The following CELF4 variants were observed in gnomAD, a reference collection of about 807,000 sequenced individuals.
CELF4 encodes CUG-BP- and ETR-3-like factor 4.
A neutral mutation model predicts 59.9 loss-of-function variants in CELF4; 18 were observed. The observed-to-expected ratio is 0.30, with a 90% CI of 0.21 to 0.45. The LOEUF is 0.45. Among genes scored for constraint, CELF4 ranks in the 20% least tolerant of loss-of-function variants. The pLI is 1.00. For synonymous variants in CELF4, 261 were observed against 267.1 expected, an observed-to-expected ratio of 0.98 and a Z score of 0.22; for missense variants, 456 against 689.0, an observed-to-expected ratio of 0.66 and a Z score of 3.79.
At chr18:37,333,145 T>C (rs2097610085) in intron 2 of CELF4, among the ~76,000 whole-genome samples, 1 of 152,228 alleles carries the variant, frequency 6.6e-6, no homozygotes, top group Non-Finnish European at 1.5e-5. Flanking sequence ...GTCTTAGCTC[T>C]GCCATATACT....
chr18:37,411,537 C>T (rs558009233), intron 2 of CELF4, among the ~76,000 whole-genome samples: 20 of 152,330 alleles, frequency 1.3e-4, no homozygotes, highest in Middle Eastern at 3.4e-3. Context: ...GTGACTTATT[C>T]ATGAGGGGCA....
intron 1 of CELF4, among the ~76,000 whole-genome samples, chr18:37,530,845 G>A (rs2099968830): frequency 6.7e-6 from 1 of 148,442 alleles, no homozygotes; most frequent in African/African-American, 2.5e-5. Context: ...AATAAGTACA[G>A]AGAGAGAGAG....
intron 2 of CELF4, among the ~76,000 whole-genome samples, chr18:37,458,709 A>G (rs1388655946): frequency 6.6e-6 from 1 of 152,090 alleles, no homozygotes; most frequent in Non-Finnish European, 1.5e-5. Flanking sequence ...AGAACCGGGC[A>G]TCACATGCAG....
chr18:37,260,701 C>A (rs1219108588), intron 10 of CELF4, among the ~76,000 whole-genome samples: 6 of 152,204 alleles, frequency 3.9e-5, no homozygotes, highest in Non-Finnish European at 8.8e-5. Context: ...CTTCCACTCT[C>A]CTCCTTTTCT....
intron 2 of CELF4, among the ~76,000 whole-genome samples, chr18:37,373,876 C>T (rs1412748077): frequency 6.6e-6 from 1 of 152,234 alleles, no homozygotes. Flanking sequence ...ATACCACAGC[C>T]TCTGTCAAGC....
At chr18:37,252,092 G>T (rs147585886) in intron 12 of CELF4, among the ~76,000 whole-genome samples, 1 of 152,218 alleles carries the variant, frequency 6.6e-6, no homozygotes, top group Non-Finnish European at 1.5e-5. Flanking sequence ...GTGTTCTGCT[G>T]GTATCTGTAC....
chr18:37,402,221 T>G (rs1603636716), intron 2 of CELF4, among the ~76,000 whole-genome samples: 1 of 152,218 alleles, frequency 6.6e-6, no homozygotes, highest in African/African-American at 2.4e-5. Context: ...GCTGCTGAGG[T>G]GAATCCATAA....
chr18:37,316,342 A>G (rs1394063638), intron 3 of CELF4, among the ~76,000 whole-genome samples: 2 of 152,104 alleles, frequency 1.3e-5, no homozygotes, highest in African/African-American at 2.4e-5. Flanking sequence ...TTTAAATACA[A>G]CTTGCTCCAG....
chr18:37,413,161 C>T (rs1051573800), intron 2 of CELF4, among the ~76,000 whole-genome samples: 1 of 152,144 alleles, frequency 6.6e-6, no homozygotes, highest in Non-Finnish European at 1.5e-5. Context: ...ACCCTGGGAG[C>T]CAGCGATGTC....
chr18:37,398,500 G>C (rs1017092472), intron 2 of CELF4, among the ~76,000 whole-genome samples: 2 of 152,148 alleles, frequency 1.3e-5, no homozygotes, highest in Non-Finnish European at 2.9e-5. Context: ...TCCTAGCCTC[G>C]GGGCAGTGGG....
intron 3 of CELF4, among the ~76,000 whole-genome samples, chr18:37,309,353 T>C (rs1327758020): frequency 3.3e-5 from 5 of 152,218 alleles, no homozygotes; most frequent in Non-Finnish European, 5.9e-5. Flanking sequence ...ATGGGAGTGA[T>C]CCTCACCCAA....
At chr18:37,459,357 G>A (rs930657069) in intron 2 of CELF4, among the ~76,000 whole-genome samples, 3 of 145,228 alleles carry the variant, frequency 2.1e-5, no homozygotes, top group Non-Finnish European at 1.6e-5. Flanking sequence ...TTAATGGTCT[G>A]TGTAGGTAAC....
chr18:37,418,109 C>T (rs1408540944), intron 2 of CELF4, among the ~76,000 whole-genome samples: 1 of 152,212 alleles, frequency 6.6e-6, no homozygotes, highest in Non-Finnish European at 1.5e-5. Flanking sequence ...CCCCAATTGT[C>T]TTTCCTCCCC....
chr18:37,275,271 C>T (rs753662299), intron 3 of CELF4, 28 bp from the exon 4 acceptor site: 2 of 1,605,758 alleles, frequency 1.2e-6, no homozygotes, highest in South Asian at 1.1e-5. Context: ...GATGCTTACC[C>T]GGGCCAGGGA....
intron 2 of CELF4, among the ~76,000 whole-genome samples, chr18:37,452,214 A>G (rs2099766019): frequency 6.6e-6 from 1 of 152,230 alleles, no homozygotes; most frequent in African/African-American, 2.4e-5. Flanking sequence ...TAGCAGCAGG[A>G]GTAATAACAG....
intron 2 of CELF4, among the ~76,000 whole-genome samples, chr18:37,396,696 A>G (rs898699289): frequency 1.3e-5 from 2 of 152,176 alleles, no homozygotes; most frequent in Non-Finnish European, 2.9e-5. Flanking sequence ...GGAGAAAACT[A>G]GGATCACTCT....
At chr18:37,375,076 T>C (rs2098951057) in intron 2 of CELF4, among the ~76,000 whole-genome samples, 1 of 152,162 alleles carries the variant, frequency 6.6e-6, no homozygotes, top group African/African-American at 2.4e-5. Flanking sequence ...CACTTTTCCA[T>C]TGGCTGCAGC....
chr18:37,259,273 AGGGGAG>A lies in CELF4; in HGVS notation c.1250-15_1250-10del. 1 of 208,566 alleles carries A rather than the reference AGGGGAG, an allele frequency of 4.8e-6. No individual in the cohort carries two copies. Among genetic ancestry groups the A allele is most frequent in the Non-Finnish European group, 8.1e-6 (1 of 122,964 alleles). 12.9% of individuals were successfully genotyped at this position (208,566 alleles called of 1,614,324 possible). A position where few individuals can be genotyped will look rare whatever the true frequency, so the allele number is the denominator to read the frequency against. On this transcript the variant is annotated splice_polypyrimidine_tract_variant and intron_variant, in intron 10 of 12. Coordinates refer to ENST00000420428, the MANE Select transcript of CELF4 (RefSeq NM_020180.4). Reference sequence around the variant, plus strand: ...GTTACAGCCCTCGGGCCCTGCGGTGAGGGGAGGGGGTGGGCGGGGGAGGAGGGATGG... The same window carrying A: ...GTTACAGCCCTCGGGCCCTGCGGTGAGGGGTGGGCGGGGGAGGAGGGATGG...
At chr18:37,453,408 T>C (rs1195939950) in intron 2 of CELF4, among the ~76,000 whole-genome samples, 1 of 152,196 alleles carries the variant, frequency 6.6e-6, no homozygotes, top group Non-Finnish European at 1.5e-5. Context: ...AGGGTCACAT[T>C]TCTTCAAAGC....
Sources: gnomAD v4.1 joint callset for allele counts (sites outside exome capture counted in the v4.1 genomes callset) on GRCh38, gnomAD v4.1.1 for gene constraint, MANE v1.5 for transcripts, NCBI Gene and HGNC (gene_info 2026-07-23, HGNC 2026-07-21) for gene names.